NPSR1: variants seen among roughly 807,000 people sequenced by gnomAD.
NPSR1 encodes the protein neuropeptide S receptor.
In NPSR1, 48 loss-of-function variants were observed where a neutral mutation model predicts 46.9. The observed-to-expected ratio is 1.02, with a 90% CI of 0.81 to 1.30. The LOEUF (loss-of-function observed/expected upper bound fraction) is 1.30. Among genes scored for constraint, NPSR1 ranks in the 50% most tolerant of loss-of-function variants. The probability of loss-of-function intolerance (pLI) is 0.00; values close to 1 mark genes in which losing one functional copy is unlikely to be tolerated. For synonymous variants in NPSR1, 176 were observed against 168.1 expected, an observed-to-expected ratio of 1.05 and a Z score of -0.36; for missense variants, 450 against 449.5, an observed-to-expected ratio of 1.00 and a Z score of -0.01.
At chr7:34,768,174 T>C (rs1786519572) in intron 2 of NPSR1, among the ~76,000 whole-genome samples, 1 of 152,148 alleles carries the variant, frequency 6.6e-6, no homozygotes, top group Non-Finnish European at 1.5e-5. Context: ...ACAAGAATTA[T>C]AGCTGACTTC....
At chr7:34,727,628 A>G (rs771997469) in intron 2 of NPSR1, among the ~76,000 whole-genome samples, 5 of 152,264 alleles carry the variant, frequency 3.3e-5, no homozygotes, top group Non-Finnish European at 7.3e-5. Flanking sequence ...GACTCAGTCA[A>G]CAAACAAATA....
At chr7:34,843,063 T>C (rs1790626019) in intron 6 of NPSR1, among the ~76,000 whole-genome samples, 1 of 152,164 alleles carries the variant, frequency 6.6e-6, no homozygotes, top group Non-Finnish European at 1.5e-5. Context: ...CTTATGTCAT[T>C]TGAGTTCACT....
chr7:34,826,844 T>C (rs1342180656), intron 4 of NPSR1, among the ~76,000 whole-genome samples: 1 of 149,876 alleles, frequency 6.7e-6, no homozygotes, highest in African/African-American at 2.5e-5. Flanking sequence ...AGAACGAAGT[T>C]CAGTGTTCTT....
chr7:34,787,532 G>T (rs1584019572), intron 3 of NPSR1, among the ~76,000 whole-genome samples: 1 of 152,032 alleles, frequency 6.6e-6, no homozygotes, highest in African/African-American at 2.4e-5. Flanking sequence ...TGGCTAACTG[G>T]CCCAAAACTA....
chr7:34,717,630 C>T (rs745599265), intron 2 of NPSR1, among the ~76,000 whole-genome samples: 1 of 152,196 alleles, frequency 6.6e-6, no homozygotes, highest in Non-Finnish European at 1.5e-5. Flanking sequence ...TGGCATAGAA[C>T]TTCTACTTCT....
At chr7:34,848,849 C>A (rs1790836894) in intron 8 of NPSR1, among the ~76,000 whole-genome samples, 186 bp downstream of exon 8, 1 of 152,238 alleles carries the variant, frequency 6.6e-6, no homozygotes, top group South Asian at 2.1e-4. Flanking sequence ...CAGGCCACAG[C>A]TGATGTGCTT....
intron 3 of NPSR1, among the ~76,000 whole-genome samples, chr7:34,791,285 A>G (rs1787866991): frequency 7.1e-6 from 1 of 141,600 alleles, no homozygotes; most frequent in African/African-American, 2.6e-5. Context: ...TATATAATAT[A>G]GATAATATAT....
intron 3 of NPSR1, among the ~76,000 whole-genome samples, chr7:34,792,055 A>G (rs771858932): frequency 6.6e-5 from 10 of 152,150 alleles, no homozygotes; most frequent in Admixed American, 1.3e-4. Context: ...CAATACAGAA[A>G]AAAATCAACT....
chr7:34,746,604 C>T (rs1312068630), intron 2 of NPSR1, among the ~76,000 whole-genome samples: 1 of 152,138 alleles, frequency 6.6e-6, no homozygotes, highest in East Asian at 1.9e-4. Flanking sequence ...TCCACCCATC[C>T]CTGTCTTAGC....
intron 1 of NPSR1, among the ~76,000 whole-genome samples, chr7:34,664,346 G>C (rs546570763): frequency 1.8e-4 from 27 of 152,142 alleles, no homozygotes; most frequent in African/African-American, 5.1e-4. Context: ...GTTGTGAATA[G>C]TTAAGTGAGA....
At chr7:34,751,009 T>A in intron 2 of NPSR1, 1 of 771,464 alleles carries the variant, frequency 1.3e-6, no homozygotes, top group South Asian at 1.4e-5. Context: ...AAGAACTTCT[T>A]GGCCAGGGCA....
At chr7:34,808,869 TAA>T (rs998297080) in intron 3 of NPSR1, among the ~76,000 whole-genome samples, 5 of 151,802 alleles carry the variant, frequency 3.3e-5, no homozygotes, top group African/African-American at 9.7e-5. Context: ...AGGTAACTTT[TAA>T]ATTTTTTTAC....
chr7:34,860,888 C>T (rs1211164638), intron 8 of NPSR1, among the ~76,000 whole-genome samples: 2 of 151,850 alleles, frequency 1.3e-5, no homozygotes, highest in Admixed American at 6.5e-5. Context: ...GCTTTGGAGA[C>T]GGAAGACTGA....
At position 34,866,092 on chromosome 7, in the gene NPSR1, C is replaced by T. The variant is rs537119812; in HGVS notation, c.1026-11984C>T. 9.2e-5 allele frequency among the ~76,000 whole-genome samples: 14 copies of T among 151,932 alleles called. No individual in the cohort carries two copies. In the South Asian group the frequency reaches 2.9e-3, roughly 31 times the overall value. ...TCAATGTGCTTGCCATGCTTGTAGTCCCTACTGAGGGACAATACCCTGCAT... is the reference window on the plus strand; with the variant it reads ...TCAATGTGCTTGCCATGCTTGTAGTTCCTACTGAGGGACAATACCCTGCAT... On this transcript the variant is annotated intron_variant, in intron 8 of 8. Transcript: ENST00000359791.
chr7:34,672,063 G>T (rs1487587218), intron 1 of NPSR1, among the ~76,000 whole-genome samples: 1 of 152,220 alleles, frequency 6.6e-6, no homozygotes, highest in African/African-American at 2.4e-5. Flanking sequence ...ACATTGTAGA[G>T]ATTTGGACTT....
intron 7 of NPSR1, among the ~76,000 whole-genome samples, chr7:34,847,063 A>G (rs543317905): frequency 1.3e-5 from 2 of 152,150 alleles, no homozygotes; most frequent in South Asian, 2.1e-4. Context: ...GGGTTAATTA[A>G]TCAGGATCCA....
intron 8 of NPSR1, among the ~76,000 whole-genome samples, chr7:34,857,761 G>A (rs28602518): frequency 0.18 from 27,265 of 151,098 alleles, 2,883 homozygotes; most frequent in Non-Finnish European, 0.24. Flanking sequence ...GAAAAGACAA[G>A]CTATAGAATG....
intron 2 of NPSR1, chr7:34,711,422 AG>A (rs1279425636): frequency 6.6e-6 from 1 of 152,334 alleles, no homozygotes; most frequent in Non-Finnish European, 1.5e-5. Context: ...CATTTTATAG[AG>A]GTGGAGATGT....
chr7:34,663,041 T>TTCTCTCTCTCTCTCTC (rs376420280), intron 1 of NPSR1, among the ~76,000 whole-genome samples: 2,647 of 108,234 alleles, frequency 0.024, 71 homozygotes, highest in African/African-American at 0.04. Context: ...TGTAGTGCAT[T>TTCTCTCTCTCTCTCTC]TCTCTCTCTC....
Sources: gnomAD v4.1 joint callset for allele counts (sites outside exome capture counted in the v4.1 genomes callset) on GRCh38, gnomAD v4.1.1 for gene constraint, MANE v1.5 for transcripts, NCBI Gene and HGNC (gene_info 2026-07-23, HGNC 2026-07-21) for gene names.